The following ALK variants were observed in gnomAD, a reference collection of about 807,000 sequenced individuals.
The protein encoded by ALK is ALK receptor tyrosine kinase, also known as ALK tyrosine kinase receptor.
Under a neutral mutation model 163.1 loss-of-function variants are expected in ALK, and 74 were observed. The observed-to-expected ratio is 0.45, with a 90% CI of 0.38 to 0.55. The LOEUF is 0.55. Among genes scored for constraint, ALK ranks in the 20% least tolerant of loss-of-function variants. ALK has a pLI of 0.00. For missense variants in ALK, 2,063 were observed against 2,105.3 expected (o/e 0.98, Z 0.39); for synonymous variants, 960 against 843.2 (o/e 1.14, Z -2.40).
At chr2:29,417,398 T>C (rs1368257200) in intron 4 of ALK, among the ~76,000 whole-genome samples, 3 of 152,202 alleles carry the variant, frequency 2.0e-5, no homozygotes, top group Non-Finnish European at 4.4e-5. Context: ...GTTCTTGAGC[T>C]ATCCTGAGAG....
chr2:29,383,944 T>C lies in ALK; in HGVS notation c.1155-85A>G. 8 of 1,554,336 alleles carry C rather than the reference T, an allele frequency of 5.1e-6. No individual in the cohort carries two copies. In the South Asian group the frequency reaches 8.9e-5, roughly 17 times the overall value. ...TAACATGTGGACAGGGTCATGTCCT[T>C]GCAGGGACTTCAGGACTCACATTCT... On this transcript the variant is annotated intron_variant, in intron 4 of 28. Coordinates refer to ENST00000389048, the MANE Select transcript of ALK (RefSeq NM_004304.5).
chr2:29,422,644 GT>G (rs1416194005), intron 4 of ALK, among the ~76,000 whole-genome samples: 1 of 152,112 alleles, frequency 6.6e-6, no homozygotes, highest in Non-Finnish European at 1.5e-5. Flanking sequence ...TTTGAAACTA[GT>G]TAGGCACCTT....
At position 29,469,270 on chromosome 2, in the gene ALK, G is replaced by A. The variant is rs1440729808; in HGVS notation, c.1154+62645C>T. Among the ~76,000 whole-genome samples, 3 of 152,142 alleles carry A rather than the reference G, an allele frequency of 2.0e-5. No homozygotes were observed. The East Asian group carries it at 5.8e-4, about 29-fold the overall frequency. ...CATGTTGGGTCAATGTAAGGAATTA[G>A]CCAAATCAGTGATCACCAGCCACTA... On this transcript the variant is annotated intron_variant, in intron 4 of 28. Transcript: ENST00000389048.
Position 29,383,729 on chromosome 2 carries a change from T to C in ALK, c.1282+3A>G, listed in dbSNP as rs1037238736. ...GGAGCGTGGGAAAGCCAGATTCAGATACCTTCACTGCAGTTCTTCAGGGCA... is the reference window on the plus strand; with the variant it reads ...GGAGCGTGGGAAAGCCAGATTCAGACACCTTCACTGCAGTTCTTCAGGGCA... On this transcript the variant is annotated splice_donor_region_variant and intron_variant, in intron 5 of 28. Transcript: ENST00000389048. The C allele has an allele frequency of 1.9e-6, 3 of 1,614,032 alleles. No individual in the cohort carries two copies. The highest frequency in any genetic ancestry group is 1.7e-6 in the Non-Finnish European group (2 of 1,179,954).
chr2:29,909,151 A>T (rs1459606271), intron 1 of ALK, among the ~76,000 whole-genome samples: 1 of 152,222 alleles, frequency 6.6e-6, no homozygotes, highest in East Asian at 1.9e-4. Context: ...TACAAGAACT[A>T]GCACTGCATG....
At chr2:29,303,781 A>T (rs1235940360) in intron 8 of ALK, among the ~76,000 whole-genome samples, 1 of 152,234 alleles carries the variant, frequency 6.6e-6, no homozygotes, top group Non-Finnish European at 1.5e-5. Context: ...TTAATGTAGA[A>T]ACAGAAAATC....
At chr2:29,548,546 G>GTT (rs1673624734) in intron 3 of ALK, among the ~76,000 whole-genome samples, 1 of 7,792 alleles carries the variant, frequency 1.3e-4, no homozygotes, top group African/African-American at 1.4e-4. Context: ...GCCTGTCTCC[G>GTT]CTCTTCTTGT....
intron 8 of ALK, among the ~76,000 whole-genome samples, chr2:29,308,981 T>C (rs1385068940): frequency 2.0e-5 from 3 of 152,062 alleles, no homozygotes; most frequent in Non-Finnish European, 4.4e-5. Flanking sequence ...AAAAAGATGG[T>C]ATTTTCTTCA....
At chr2:29,728,162 T>C (rs1247889907) in intron 1 of ALK, among the ~76,000 whole-genome samples, 1 of 152,216 alleles carries the variant, frequency 6.6e-6, no homozygotes, top group African/African-American at 2.4e-5. Flanking sequence ...ACTTCATGTG[T>C]GCCTATTACA....
chr2:29,861,361 T>C (rs1666286370), intron 1 of ALK, among the ~76,000 whole-genome samples: 2 of 151,196 alleles, frequency 1.3e-5, no homozygotes, highest in South Asian at 2.1e-4. Context: ...AAACTAAGAG[T>C]TGGTATTTTA....
intron 13 of ALK, among the ~76,000 whole-genome samples, chr2:29,236,617 A>G (rs888129623): frequency 3.3e-5 from 5 of 152,066 alleles, no homozygotes; most frequent in Admixed American, 2.0e-4. Flanking sequence ...CTCTTGCTGG[A>G]CCAGTAGCAG....
intron 13 of ALK, 120 bp from the exon 14 acceptor site, chr2:29,233,816 G>C: frequency 7.5e-7 from 1 of 1,336,894 alleles, no homozygotes; most frequent in Non-Finnish European, 1.1e-6. Context: ...TTACAGTTGA[G>C]TTGAGGAGGC....
rs571304802 is a variant in ALK, at chr2:29,622,133, G to A, written c.952+72717C>T. Among the ~76,000 whole-genome samples, 8 of 152,316 alleles carry A rather than the reference G, an allele frequency of 5.3e-5. No homozygotes were observed. In the East Asian group the frequency reaches 1.5e-3, roughly 29 times the overall value. Reference sequence around the variant, plus strand: ...ATTTAACAGTTAATACTGTGAGCCAGTTGGTAAATCTGATCGTATATCATC... The same window carrying A: ...ATTTAACAGTTAATACTGTGAGCCAATTGGTAAATCTGATCGTATATCATC... On this transcript the variant is annotated intron_variant, in intron 3 of 28. Transcript: ENST00000389048.
At chr2:29,428,130 T>C (rs1670188245) in intron 4 of ALK, among the ~76,000 whole-genome samples, 1 of 152,042 alleles carries the variant, frequency 6.6e-6, no homozygotes, top group South Asian at 2.1e-4. Flanking sequence ...GCTAAAACAG[T>C]GCTTAAAGAG....
rs76944165 is a variant in ALK, at chr2:29,871,190, G to A, written c.667+48803C>T. Among the ~76,000 whole-genome samples the A allele has an allele frequency of 2.6e-3, 394 of 152,270 alleles. 1 individual carries two copies. The highest frequency in any genetic ancestry group is 4.7e-3 in the Non-Finnish European group (318 of 68,010). On this transcript the variant is annotated intron_variant, in intron 1 of 28. Coordinates refer to ENST00000389048, the MANE Select transcript of ALK (RefSeq NM_004304.5). ...CCTGACTGCAGAGGAGAGATCCCTGGTGACATTAAGCCTACAGCCAACCAC... is the reference window on the plus strand; with the variant it reads ...CCTGACTGCAGAGGAGAGATCCCTGATGACATTAAGCCTACAGCCAACCAC...
At chr2:29,914,592 C>G (rs1667783604) in intron 1 of ALK, among the ~76,000 whole-genome samples, 1 of 152,192 alleles carries the variant, frequency 6.6e-6, no homozygotes, top group Non-Finnish European at 1.5e-5. Context: ...TAATTTAATC[C>G]TCATGACAAC....
At chr2:29,404,299 C>A in intron 4 of ALK, among the ~76,000 whole-genome samples, 1 of 79,600 alleles carries the variant, frequency 1.3e-5, no homozygotes, top group Non-Finnish European at 2.4e-5. Context: ...CGGAGCAAGA[C>A]TCCGTCTCAA....
chr2:29,529,715 C>T (rs935540216), intron 4 of ALK, among the ~76,000 whole-genome samples: 9 of 152,234 alleles, frequency 5.9e-5, no homozygotes, highest in Admixed American at 3.3e-4. Context: ...CTACCCTCAC[C>T]ACACAGATCT....
At chr2:29,253,029 C>G (rs57360191) in intron 11 of ALK, among the ~76,000 whole-genome samples, 2,095 of 152,058 alleles carry the variant, frequency 0.014, 50 homozygotes, top group African/African-American at 0.047. Flanking sequence ...GTCTCACTCT[C>G]TCACCCAGGC....
Sources: allele counts gnomAD v4.1 joint callset (sites outside exome capture counted in the v4.1 genomes callset), GRCh38; gene constraint gnomAD v4.1.1; transcripts MANE v1.5; gene names NCBI Gene and HGNC (gene_info 2026-07-23, HGNC 2026-07-21).